Variants in STK4 observed in about 807,000 individuals in gnomAD.
STK4 encodes serine/threonine-protein kinase 4.
In STK4, 30 loss-of-function variants were observed where a neutral mutation model predicts 64.9. The observed-to-expected ratio is 0.46, with a 90% confidence interval of 0.35 to 0.63. The LOEUF is 0.63. STK4 is among the 20% of genes least tolerant of loss of function. STK4 has a pLI of 0.01. For synonymous variants in STK4, 177 were observed against 199.0 expected (o/e 0.89, Z 0.93); for missense variants, 466 against 598.5 (o/e 0.78, Z 2.31).
chr20:45,001,017 G>A, intron 8 of STK4, 150 bp from the exon 9 acceptor site: 1 of 846,690 alleles, frequency 1.2e-6, no homozygotes, highest in Non-Finnish European at 1.8e-6. Flanking sequence ...CTTTGCTTAA[G>A]TAACAGCGCT....
chr20:45,070,346 A>G (rs1979948340), intron 10 of STK4, among the ~76,000 whole-genome samples: 1 of 152,196 alleles, frequency 6.6e-6, no homozygotes, highest in Non-Finnish European at 1.5e-5. Context: ...ACCAAGGTAG[A>G]TGGAGATGGA....
intron 9 of STK4, among the ~76,000 whole-genome samples, chr20:45,015,150 ATTG>A (rs894911533): frequency 5.9e-5 from 9 of 152,194 alleles, no homozygotes; most frequent in African/African-American, 2.2e-4. Context: ...GAAGGCACCT[ATTG>A]TTGCTGTGAG....
At chr20:45,053,134 T>C in intron 10 of STK4, 1 of 1,612,810 alleles carries the variant, frequency 6.2e-7, no homozygotes, top group Admixed American at 1.7e-5. Context: ...TATCCAAAAT[T>C]GCCAGGGAAA....
At chr20:45,022,336 T>C (rs920250478) in intron 9 of STK4, among the ~76,000 whole-genome samples, 3 of 152,344 alleles carry the variant, frequency 2.0e-5, no homozygotes, top group Non-Finnish European at 4.4e-5. Flanking sequence ...AGGTCCCTGG[T>C]ATTGATATCA....
intron 1 of STK4, among the ~76,000 whole-genome samples, chr20:44,968,071 G>A (rs75978388): frequency 0.022 from 3,359 of 152,196 alleles, 67 homozygotes; most frequent in Non-Finnish European, 0.033. Flanking sequence ...GATTTGCTGG[G>A]AGAAGTCATA....
At chr20:45,016,154 G>A (rs764131751) in intron 9 of STK4, among the ~76,000 whole-genome samples, 5 of 152,150 alleles carry the variant, frequency 3.3e-5, no homozygotes, top group Admixed American at 6.5e-5. Context: ...GTTTGTGTCT[G>A]TGTGTGTCTG....
chr20:44,984,297 C>T (rs1366736985), intron 4 of STK4, among the ~76,000 whole-genome samples: 1 of 140,368 alleles, frequency 7.1e-6, no homozygotes, highest in Non-Finnish European at 1.5e-5. Context: ...CAGGTTCATG[C>T]CATTTTCCTG....
At chr20:44,987,074 C>T in intron 4 of STK4, 58 bp from the exon 5 acceptor site, 3 of 1,410,968 alleles carry the variant, frequency 2.1e-6, no homozygotes, top group Non-Finnish European at 2.9e-6. Flanking sequence ...ATTTTTTCTC[C>T]TTTTTCTAAT....
At chr20:45,001,391 A>C in intron 9 of STK4, 38 bp downstream of exon 9, 1 of 1,572,996 alleles carries the variant, frequency 6.4e-7, no homozygotes, top group Non-Finnish European at 8.7e-7. Context: ...TCTTAGACCA[A>C]GCATACATAT....
At chr20:44,979,166 C>CTT (rs2067392840) in intron 3 of STK4, among the ~76,000 whole-genome samples, 1 of 151,662 alleles carries the variant, frequency 6.6e-6, no homozygotes, top group African/African-American at 2.4e-5. Flanking sequence ...GTGGTGCTTG[C>CTT]TTTTTTTTGT....
Position 44,999,904 on chromosome 20 carries a change from T to C in STK4, c.832-488T>C, listed in dbSNP as rs545012044. ...AATCACCTCCCAAATCACTGGCCTT[T>C]TTGCATATCTCTTGAAAACATTTTT... On this transcript the variant is annotated intron_variant, in intron 7 of 10. Coordinates refer to ENST00000372806, the MANE Select transcript of STK4 (RefSeq NM_006282.5). 2.0e-5 allele frequency among the ~76,000 whole-genome samples: 3 copies of C among 152,354 alleles called. No homozygotes were observed. The East Asian group carries it at 5.8e-4, about 29-fold the overall frequency.
chr20:44,985,816 A>T (rs371348421), intron 4 of STK4, among the ~76,000 whole-genome samples: 15 of 152,388 alleles, frequency 9.8e-5, no homozygotes, highest in East Asian at 5.8e-4. Flanking sequence ...TAACTTGCTT[A>T]AGTCACATGA....
At chr20:44,990,237 G>A (rs2067606899) in intron 5 of STK4, among the ~76,000 whole-genome samples, 1 of 152,116 alleles carries the variant, frequency 6.6e-6, no homozygotes, top group Non-Finnish European at 1.5e-5. Context: ...ATAATTTGCA[G>A]TGTACAAGTT....
intron 10 of STK4, among the ~76,000 whole-genome samples, chr20:45,042,711 G>A (rs1281471898): frequency 1.3e-5 from 2 of 152,160 alleles, no homozygotes; most frequent in African/African-American, 4.8e-5. Context: ...AATGGACAGT[G>A]TAGGGAGGAG....
chr20:44,984,465 G>A (rs979472262), intron 4 of STK4, among the ~76,000 whole-genome samples: 2 of 152,058 alleles, frequency 1.3e-5, no homozygotes, highest in Non-Finnish European at 2.9e-5. Context: ...GCCTCCCAAA[G>A]TGCTGGGATT....
chr20:45,033,832 G>A (rs1332687374), intron 10 of STK4, among the ~76,000 whole-genome samples: 1 of 152,098 alleles, frequency 6.6e-6, no homozygotes, highest in East Asian at 1.9e-4. Flanking sequence ...TACCCACCTC[G>A]GCCTTTCAAA....
chr20:44,966,611 G>T lies in STK4; in HGVS notation c.35+8G>T, dbSNP rs756662308. 72 of 1,274,190 alleles carry T rather than the reference G, an allele frequency of 5.7e-5. No individual in the cohort carries two copies. The highest frequency in any genetic ancestry group is 6.6e-5 in the Non-Finnish European group (66 of 1,001,840). The allele number at this position is 1,274,190 out of a possible 1,614,324, so 78.9% of individuals were successfully genotyped here. A position where few individuals can be genotyped will look rare whatever the true frequency, so the allele number is the denominator to read the frequency against. On this transcript the variant is annotated splice_region_variant and intron_variant, in intron 1 of 10. Transcript: ENST00000372806. ...GAGGAACCCGCCGCGCCGGTGAGGG[G>T]CCACTGGCTAAGAGGACGGGCATGG... is the stretch of plus-strand genomic sequence containing the variant.
At chr20:45,000,093 C>T (rs1357844817) in intron 7 of STK4, among the ~76,000 whole-genome samples, 1 of 152,166 alleles carries the variant, frequency 6.6e-6, no homozygotes, top group African/African-American at 2.4e-5. Context: ...AACATGTTCC[C>T]AACATGTTTA....
Position 45,079,499 on chromosome 20 carries a change from C to T in STK4, c.*4323C>T, listed in dbSNP as rs1980759437. Reference sequence around the variant, plus strand: ...AATTGTTCCTGCCCAATCTACATCTCCACCTCACCCCATCTTTTCTTAAGC... The same window carrying T: ...AATTGTTCCTGCCCAATCTACATCTTCACCTCACCCCATCTTTTCTTAAGC... On this transcript the variant is annotated 3_prime_UTR_variant, in exon 11 of 11. Transcript: ENST00000372806. 6.6e-6 allele frequency: 1 copy of T among 152,484 alleles called. No individual in the cohort carries two copies. Among genetic ancestry groups the T allele is most frequent in the Non-Finnish European group, 1.5e-5 (1 of 68,042 alleles). 9.4% of individuals were successfully genotyped at this position (152,484 alleles called of 1,614,324 possible).
Sources: allele counts gnomAD v4.1 joint callset (sites outside exome capture counted in the v4.1 genomes callset), GRCh38; gene constraint gnomAD v4.1.1; transcripts MANE v1.5; gene names NCBI Gene and HGNC (gene_info 2026-07-23, HGNC 2026-07-21).